Variants in DOCK3 observed in about 807,000 individuals in gnomAD.
The protein encoded by DOCK3 is dedicator of cytokinesis 3.
A neutral mutation model predicts 265.6 loss-of-function variants in DOCK3; 60 were observed. The observed-to-expected ratio is 0.23, with a 90% CI of 0.18 to 0.28. The LOEUF is 0.28. Among genes scored for constraint, DOCK3 ranks in the 10% least tolerant of loss-of-function variants. The pLI is 1.00. For synonymous variants in DOCK3, 881 were observed against 938.0 expected (o/e 0.94, Z 1.11); for missense variants, 1,981 against 2,594.3 (o/e 0.76, Z 5.14).
chr3:50,893,071 G>T (rs1173251615), intron 4 of DOCK3, among the ~76,000 whole-genome samples: 3 of 152,146 alleles, frequency 2.0e-5, no homozygotes, highest in Middle Eastern at 3.4e-3. Flanking sequence ...CATAGAAAAG[G>T]TTTGACAGGT....
chr3:51,156,658 CAAAT>C (rs2085868496), intron 10 of DOCK3, among the ~76,000 whole-genome samples: 1 of 152,132 alleles, frequency 6.6e-6, no homozygotes, highest in African/African-American at 2.4e-5. Flanking sequence ...CTATTGATGT[CAAAT>C]AAATTCCACT....
At chr3:51,099,104 T>C (rs1426412358) in intron 9 of DOCK3, among the ~76,000 whole-genome samples, 1 of 152,222 alleles carries the variant, frequency 6.6e-6, no homozygotes, top group Non-Finnish European at 1.5e-5. Flanking sequence ...ACTGAAAATA[T>C]AGACAGAATG....
At chr3:50,916,318 A>G (rs1039084627) in intron 4 of DOCK3, among the ~76,000 whole-genome samples, 7 of 151,912 alleles carry the variant, frequency 4.6e-5, no homozygotes, top group Admixed American at 2.6e-4. Context: ...CAGTGGCACA[A>G]TCTCACTCTG....
rs117742814 is a variant in DOCK3 at position 50,921,156 on chromosome 3, T to A, written c.219-12825T>A. On this transcript the variant is annotated intron_variant, in intron 4 of 52. Coordinates refer to ENST00000266037, the MANE Select transcript of DOCK3 (RefSeq NM_004947.5). ...TGTTCTTTTACGTTTGCCTGAGGAG[T>A]GCTTTACTTCCAGTTATGTGGTCAG... Among the ~76,000 whole-genome samples, 104 of 152,224 alleles carry A rather than the reference T, an allele frequency of 6.8e-4. 1 individual carries two copies. The East Asian group carries it at 0.019, about 27-fold the overall frequency.
In DOCK3 at chr3:51,103,483, C is replaced by A. The variant is rs148718842; in HGVS notation, c.746+13099C>A. 2.4e-4 allele frequency among the ~76,000 whole-genome samples: 36 copies of A among 152,256 alleles called. No individual in the cohort carries two copies. In the East Asian group the frequency reaches 6.2e-3, roughly 26 times the overall value. On this transcript the variant is annotated intron_variant, in intron 9 of 52. Transcript: ENST00000266037. The stretch of plus-strand genomic sequence containing the variant: ...GATTATCTACCTTTACCAAACTTAG[C>A]CCTGAATTACTTTCTGTCATTTCTA...
chr3:51,012,179 A>G (rs1444509625), intron 5 of DOCK3, among the ~76,000 whole-genome samples: 1 of 152,122 alleles, frequency 6.6e-6, no homozygotes, highest in African/African-American at 2.4e-5. Context: ...AAGTCTGCAG[A>G]GGTTTCTGCT....
chr3:51,069,245 A>T (rs768369358), intron 6 of DOCK3, among the ~76,000 whole-genome samples: 109 of 152,346 alleles, frequency 7.2e-4, no homozygotes, highest in Middle Eastern at 6.8e-3. Flanking sequence ...ACTAGTCATC[A>T]TCTTTGCTCA....
At chr3:50,787,918 C>G in intron 2 of DOCK3, 2 of 1,028,372 alleles carry the variant, frequency 1.9e-6, no homozygotes, top group Non-Finnish European at 3.0e-6. Context: ...TAAGGTTTAC[C>G]TCCACTATGA....
At chr3:51,347,285 G>A (rs959875562) in intron 38 of DOCK3, among the ~76,000 whole-genome samples, 1 of 152,188 alleles carries the variant, frequency 6.6e-6, no homozygotes, top group African/African-American at 2.4e-5. Context: ...TAACATTTAA[G>A]TCTTTAATCC....
chr3:50,756,708 G>A lies in DOCK3; in HGVS notation c.38-21967G>A, dbSNP rs1486952315. Among the ~76,000 whole-genome samples the A allele has an allele frequency of 2.6e-5, 4 of 152,092 alleles. No homozygotes were observed. In the East Asian group the frequency reaches 7.7e-4, roughly 29 times the overall value. On this transcript the variant is annotated intron_variant, in intron 1 of 52. Coordinates refer to ENST00000266037, the MANE Select transcript of DOCK3 (RefSeq NM_004947.5). ...ATGCATCCTCTCTTACACTTTTGTTGTCAGTCTTTTTGATTCTAGCACATG... is the reference window on the plus strand; with the variant it reads ...ATGCATCCTCTCTTACACTTTTGTTATCAGTCTTTTTGATTCTAGCACATG...
intron 3 of DOCK3, among the ~76,000 whole-genome samples, chr3:50,851,610 A>G (rs1256574864): frequency 6.6e-6 from 1 of 152,182 alleles, no homozygotes; most frequent in Non-Finnish European, 1.5e-5. Context: ...TTAGGGAAGC[A>G]GGCTGGGGCA....
At chr3:51,253,733 A>G (rs2079390511) in intron 22 of DOCK3, among the ~76,000 whole-genome samples, 1 of 151,964 alleles carries the variant, frequency 6.6e-6, no homozygotes, top group African/African-American at 2.4e-5. Context: ...TTTTTATTGC[A>G]TCTATTTGAT....
intron 1 of DOCK3, among the ~76,000 whole-genome samples, chr3:50,738,596 G>A (rs1395977069): frequency 2.6e-5 from 4 of 152,174 alleles, no homozygotes; most frequent in African/African-American, 9.7e-5. Flanking sequence ...GTGGCATGAG[G>A]GTAGGTTATA....
intron 5 of DOCK3, among the ~76,000 whole-genome samples, chr3:51,047,101 A>G (rs559163865): frequency 1.5e-4 from 23 of 152,294 alleles, no homozygotes; most frequent in Non-Finnish European, 2.6e-4. Context: ...TTAAATAAAC[A>G]GTCCAACTTT....
intron 5 of DOCK3, among the ~76,000 whole-genome samples, chr3:50,970,941 A>ATATATATG (rs2077206329): frequency 1.4e-5 from 1 of 71,630 alleles, no homozygotes; most frequent in Non-Finnish European, 2.6e-5. Context: ...ATATATATAT[A>ATATATATG]TATATAATGT....
intron 3 of DOCK3, chr3:50,877,287 T>G: frequency 2.8e-6 from 1 of 359,294 alleles, no homozygotes; most frequent in Non-Finnish European, 5.5e-6. Context: ...TCTTGATATT[T>G]CTATTCAACC....
chr3:50,906,722 T>G (rs2049526481), intron 4 of DOCK3, among the ~76,000 whole-genome samples: 1 of 151,920 alleles, frequency 6.6e-6, no homozygotes, highest in African/African-American at 2.4e-5. Flanking sequence ...CTTCATTGAT[T>G]TTTTTGAAGG....
chr3:50,905,162 C>T (rs1392694181), intron 4 of DOCK3, among the ~76,000 whole-genome samples: 25 of 152,034 alleles, frequency 1.6e-4, no homozygotes, highest in African/African-American at 5.5e-4. Flanking sequence ...TTGGTTACTG[C>T]AGCCTTGTAG....
At position 51,361,855 on chromosome 3, in the gene DOCK3, A is replaced by C; in HGVS notation, c.5007-4A>C. Reference sequence around the variant, plus strand: ...TCCTCCCTATTTCCCACTCTTGCTCACAGCCCCATGAACTTGATGGGCACA... The same window carrying C: ...TCCTCCCTATTTCCCACTCTTGCTCCCAGCCCCATGAACTTGATGGGCACA... On this transcript the variant is annotated splice_region_variant and splice_polypyrimidine_tract_variant and intron_variant, in intron 47 of 52. Coordinates refer to ENST00000266037, the MANE Select transcript of DOCK3 (RefSeq NM_004947.5). The surrounding 1 kb of genome is among the most constrained non-coding windows in gnomAD (Gnocchi z 4.2). The C allele has an allele frequency of 6.2e-7, 1 of 1,612,218 alleles. No homozygotes were observed. The highest frequency in any genetic ancestry group is 8.5e-7 in the Non-Finnish European group (1 of 1,178,986).
Sources: gnomAD v4.1 joint callset for allele counts (sites outside exome capture counted in the v4.1 genomes callset) on GRCh38, gnomAD v4.1.1 for gene constraint, Gnocchi (gnomAD v3.1) non-coding constraint, MANE v1.5 for transcripts, NCBI Gene and HGNC (gene_info 2026-07-23, HGNC 2026-07-21) for gene names.